Variants in UTS2B observed in about 807,000 individuals in gnomAD.
UTS2B encodes urotensin 2B, also known as urotensin-2B.
In UTS2B, 21 loss-of-function variants were observed where a neutral mutation model predicts 19.2. The observed-to-expected ratio is 1.09, with a 90% CI of 0.78 to 1.58. The LOEUF (loss-of-function observed/expected upper bound fraction) is 1.58, where lower values mean the gene tolerates loss of function less well. UTS2B is among the 40% of genes most tolerant of loss of function. The probability of loss-of-function intolerance (pLI) is 0.00; values close to 1 mark genes in which losing one functional copy is unlikely to be tolerated. For synonymous variants in UTS2B, 57 were observed against 50.2 expected (o/e 1.14, Z -0.58); for missense variants, 138 against 130.3 (o/e 1.06, Z -0.29).
At chr3:191,313,731 T>TTTC (rs1484564745) in intron 3 of UTS2B, among the ~76,000 whole-genome samples, 2 of 131,278 alleles carry the variant, frequency 1.5e-5, no homozygotes, top group African/African-American at 7.6e-5. Context: ...TTTCCTTTTT[T>TTTC]TTTTTTTTTT....
At chr3:191,294,688 T>C (rs1316792847) in intron 4 of UTS2B, 2 of 151,098 alleles carry the variant, frequency 1.3e-5, no homozygotes, top group African/African-American at 4.9e-5. Flanking sequence ...ATAGCTTGCA[T>C]CTTTAATCTC....
chr3:191,313,599 T>C (rs981586625), intron 3 of UTS2B, among the ~76,000 whole-genome samples: 31 of 152,124 alleles, frequency 2.0e-4, no homozygotes, highest in African/African-American at 7.2e-4. Context: ...TTTAAGTCAA[T>C]AGAGTAATAA....
chr3:191,336,722 A>G, the UTS2B span, among the ~76,000 whole-genome samples: 1 of 152,216 alleles, frequency 6.6e-6, no homozygotes, highest in Non-Finnish European at 1.5e-5. Context: ...TATACAGACT[A>G]TGTACTCAGA....
intron 8 of UTS2B, among the ~76,000 whole-genome samples, chr3:191,269,184 A>G (rs1716021010): frequency 6.6e-6 from 1 of 152,138 alleles, no homozygotes; most frequent in East Asian, 1.9e-4. Flanking sequence ...CCCTTGGGAG[A>G]AGGGCCTTTG....
chr3:191,285,165 T>C (rs1716500190), intron 4 of UTS2B, among the ~76,000 whole-genome samples: 2 of 152,204 alleles, frequency 1.3e-5, no homozygotes, highest in Non-Finnish European at 1.5e-5. Context: ...GAATACACAA[T>C]ATAAAATTAT....
the UTS2B span, among the ~76,000 whole-genome samples, chr3:191,345,919 TATATA>T: frequency 1.3e-5 from 2 of 152,218 alleles, no homozygotes; most frequent in African/African-American, 4.8e-5. Context: ...ATGATGCTAT[TATATA>T]ATATAGTGCT....
At chr3:191,309,933 ATTT>A (rs559242866) in intron 3 of UTS2B, among the ~76,000 whole-genome samples, 1 of 148,940 alleles carries the variant, frequency 6.7e-6, no homozygotes, top group Non-Finnish European at 1.5e-5. Context: ...AGTCTTGAGA[ATTT>A]TTTTTTTCTT....
intron 4 of UTS2B, 101 bp from the exon 5 acceptor site, chr3:191,282,414 T>C (rs920171619): frequency 4.5e-6 from 2 of 443,932 alleles, no homozygotes; most frequent in South Asian, 3.8e-5. Context: ...AGATTTGTTA[T>C]GGAGTCAATG....
chr3:191,297,261 A>G (rs1716881072), intron 4 of UTS2B, among the ~76,000 whole-genome samples: 1 of 152,106 alleles, frequency 6.6e-6, no homozygotes, highest in African/African-American at 2.4e-5. Flanking sequence ...TAATTTCTTG[A>G]GTCTCATCTG....
intron 8 of UTS2B, chr3:191,273,596 C>T (rs1308232399): frequency 2.2e-6 from 1 of 456,602 alleles, no homozygotes. Flanking sequence ...TGCTGTGCTG[C>T]AAGCATTGGA....
intron 2 of UTS2B, among the ~76,000 whole-genome samples, chr3:191,316,695 T>C (rs1183144092): frequency 1.3e-5 from 2 of 152,238 alleles, no homozygotes; most frequent in Admixed American, 1.3e-4. Context: ...ATCCTCTAGC[T>C]AGCCATAAAA....
upstream of UTS2B, among the ~76,000 whole-genome samples, chr3:191,333,256 T>C (rs1385584153): frequency 6.6e-6 from 1 of 152,204 alleles, no homozygotes; most frequent in Non-Finnish European, 1.5e-5. Flanking sequence ...TTTAGAAATG[T>C]CTGTAAAAGG....
intron 2 of UTS2B, among the ~76,000 whole-genome samples, chr3:191,320,176 T>C (rs1018379384): frequency 1.3e-5 from 2 of 152,116 alleles, no homozygotes; most frequent in African/African-American, 2.4e-5. Flanking sequence ...AATGACAGAT[T>C]GGATTGCTAT....
intron 4 of UTS2B, among the ~76,000 whole-genome samples, chr3:191,295,391 T>TC (rs1716831158): frequency 6.6e-6 from 1 of 152,026 alleles, no homozygotes; most frequent in Non-Finnish European, 1.5e-5. Flanking sequence ...TCCCTAGTTT[T>TC]CTTTTTTTCT....
intron 4 of UTS2B, among the ~76,000 whole-genome samples, chr3:191,286,828 C>T (rs1322215333): frequency 4.7e-5 from 5 of 107,336 alleles, no homozygotes; most frequent in Non-Finnish European, 1.2e-4. Flanking sequence ...GTAAATAGGA[C>T]TTGTTTTTTT....
At chr3:191,275,115 T>C (rs1560132294) in intron 8 of UTS2B, 137 bp downstream of exon 8, 2 of 585,214 alleles carry the variant, frequency 3.4e-6, no homozygotes, top group Admixed American at 5.8e-5. Flanking sequence ...TATTGGAATA[T>C]ATTTTTTTAA....
rs1389644361 is a variant in UTS2B, at chr3:191,278,169, T to C, written c.105A>G (p.Gly35=). ...ATTTTTTATCTGGAAATATTTCATT[T>C]CCTATAATGATCAAAAACCACCATT... ...SVHGRPYLTQ[G]NEIFPDKKYT... Residue 35 remains glycine, a splice_region_variant and synonymous_variant, in exon 6 of 9, where the codon GGA becomes GGG. Transcript: ENST00000340524. 2.0e-6 allele frequency: 3 copies of C among 1,492,338 alleles called. No individual in the cohort carries two copies. Among genetic ancestry groups the C allele is most frequent in the East Asian group, 2.4e-5 (1 of 42,270 alleles). The allele number at this position is 1,492,338 out of a possible 1,614,324, so 92.4% of individuals were successfully genotyped here.
chr3:191,318,986 A>G (rs1447368281), intron 2 of UTS2B, among the ~76,000 whole-genome samples: 1 of 152,058 alleles, frequency 6.6e-6, no homozygotes, highest in African/African-American at 2.4e-5. Flanking sequence ...TAGTCTGTAG[A>G]TTATTTTTGA....
At chr3:191,343,586 G>A in the UTS2B span, among the ~76,000 whole-genome samples, 1 of 152,212 alleles carries the variant, frequency 6.6e-6, no homozygotes, top group Non-Finnish European at 1.5e-5. Context: ...AGAGTAATTA[G>A]TTGCTAAGTT....
Sources: gnomAD v4.1 joint callset for allele counts (sites outside exome capture counted in the v4.1 genomes callset) on GRCh38, gnomAD v4.1.1 for gene constraint, MANE v1.5 for transcripts, NCBI Gene and HGNC (gene_info 2026-07-23, HGNC 2026-07-21) for gene names.